SORCS1: variants seen among roughly 807,000 people sequenced by gnomAD.
The protein encoded by SORCS1 is VPS10 domain-containing receptor SorCS1.
Under a neutral mutation model 146.1 loss-of-function variants are expected in SORCS1, and 60 were observed. The observed-to-expected ratio is 0.41, with a 90% CI of 0.33 to 0.51. SORCS1 has a LOEUF of 0.51. Ranked by LOEUF, SORCS1 falls within the 20% of genes least tolerant of loss-of-function variation. The pLI is 0.21. For synonymous variants in SORCS1, 637 were observed against 584.0 expected, an observed-to-expected ratio of 1.09 and a Z score of -1.31; for missense variants, 1,352 against 1,487.6, an observed-to-expected ratio of 0.91 and a Z score of 1.50.
chr10:107,014,403 T>C (rs1325374693), intron 1 of SORCS1, among the ~76,000 whole-genome samples: 2 of 152,326 alleles, frequency 1.3e-5, no homozygotes, highest in South Asian at 2.1e-4. Flanking sequence ...TGGGGGCCAC[T>C]GTCCATTTTT....
At chr10:106,774,518 G>A (rs1860282027) in intron 4 of SORCS1, among the ~76,000 whole-genome samples, 1 of 151,326 alleles carries the variant, frequency 6.6e-6, no homozygotes, top group Non-Finnish European at 1.5e-5. Context: ...TTGCAATTTT[G>A]TAAATGTGAT....
intron 3 of SORCS1, among the ~76,000 whole-genome samples, chr10:106,783,053 G>A (rs1182963588): frequency 6.6e-6 from 1 of 152,120 alleles, no homozygotes; most frequent in Non-Finnish European, 1.5e-5. Flanking sequence ...TTAAAAACTC[G>A]GATTTGAATT....
intron 6 of SORCS1, among the ~76,000 whole-genome samples, chr10:106,719,418 CTT>C (rs11299932): frequency 4.8e-3 from 654 of 135,822 alleles, no homozygotes; most frequent in South Asian, 0.012. Flanking sequence ...TTCTTTCTTT[CTT>C]TTTTTTTTTT....
At chr10:106,919,700 T>C (rs2418823) in intron 2 of SORCS1, among the ~76,000 whole-genome samples, 65,212 of 152,070 alleles carry the variant, frequency 0.43, 14,371 homozygotes, top group African/African-American at 0.53. Context: ...TTTTAGTTCT[T>C]GCTTCTAGCA....
At chr10:106,785,600 C>T (rs1345395959) in intron 3 of SORCS1, among the ~76,000 whole-genome samples, 1 of 152,144 alleles carries the variant, frequency 6.6e-6, no homozygotes, top group Non-Finnish European at 1.5e-5. Flanking sequence ...TATATTAATG[C>T]TTCATGATAA....
intron 3 of SORCS1, among the ~76,000 whole-genome samples, chr10:106,811,559 T>C (rs1164840277): frequency 2.0e-5 from 3 of 152,166 alleles, no homozygotes; most frequent in African/African-American, 7.2e-5. Context: ...TAGATGATTT[T>C]CATATATGCG....
chr10:107,083,895 T>C (rs1963543899), intron 1 of SORCS1, among the ~76,000 whole-genome samples: 1 of 152,174 alleles, frequency 6.6e-6, no homozygotes, highest in South Asian at 2.1e-4. Flanking sequence ...CATGGCCCTC[T>C]CAACCTGCTG....
At chr10:106,630,554 T>C (rs1043483515) in intron 18 of SORCS1, among the ~76,000 whole-genome samples, 16 of 152,210 alleles carry the variant, frequency 1.1e-4, no homozygotes, top group African/African-American at 3.9e-4. Flanking sequence ...CATGTGCCAT[T>C]AACAAGCTGG....
chr10:106,985,838 T>C (rs1956447630), intron 1 of SORCS1, among the ~76,000 whole-genome samples: 2 of 152,098 alleles, frequency 1.3e-5, no homozygotes, highest in South Asian at 4.1e-4. Flanking sequence ...CCTGGACTCA[T>C]TTAAGCTTTC....
At chr10:106,790,758 C>T (rs1252107617) in intron 3 of SORCS1, among the ~76,000 whole-genome samples, 2 of 152,174 alleles carry the variant, frequency 1.3e-5, no homozygotes, top group African/African-American at 2.4e-5. Flanking sequence ...TAGTGATGGC[C>T]GGACAGGTTT....
chr10:106,714,134 T>TAA (rs1855192356), intron 6 of SORCS1, among the ~76,000 whole-genome samples: 2 of 1,286 alleles, frequency 1.6e-3, no homozygotes, highest in South Asian at 0.029. Flanking sequence ...AAACTCTGCC[T>TAA]CAAAAAAAAA....
At chr10:107,072,123 A>G (rs1465020700) in intron 1 of SORCS1, among the ~76,000 whole-genome samples, 1 of 152,196 alleles carries the variant, frequency 6.6e-6, no homozygotes, top group Non-Finnish European at 1.5e-5. Context: ...GCTGGGATGA[A>G]GCTCAGGGTA....
At chr10:107,003,048 G>A (rs886446810) in intron 1 of SORCS1, among the ~76,000 whole-genome samples, 2 of 152,144 alleles carry the variant, frequency 1.3e-5, no homozygotes, top group Admixed American at 6.5e-5. Context: ...CTGCGGTCAG[G>A]AGGTCGAGAC....
At chr10:106,753,241 CTTGT>C (rs954320965) in intron 5 of SORCS1, among the ~76,000 whole-genome samples, 28 of 152,110 alleles carry the variant, frequency 1.8e-4, no homozygotes, top group Admixed American at 8.5e-4. Context: ...GGCTCAGTCT[CTTGT>C]TACTGAATCC....
chr10:106,871,863 CA>C (rs1950418234), intron 2 of SORCS1, among the ~76,000 whole-genome samples: 1 of 145,668 alleles, frequency 6.9e-6, no homozygotes, highest in Non-Finnish European at 1.5e-5. Context: ...ACCTATGCAA[CA>C]AAGCTTCACA....
At chr10:106,881,126 A>G (rs1189416087) in intron 2 of SORCS1, among the ~76,000 whole-genome samples, 1 of 151,844 alleles carries the variant, frequency 6.6e-6, no homozygotes, top group Non-Finnish European at 1.5e-5. Context: ...CTCAAAGGAC[A>G]TGACAAAGAG....
rs761802295 is a variant in SORCS1, at chr10:106,652,366, T to C, written c.2475+16A>G. On this transcript the variant is annotated intron_variant, in intron 18 of 25. Transcript: ENST00000263054. ...CTGGCCCTAGAAAGTAGGGGGGAGA[T>C]AGGAATCAGTCCTACCTCTTCTAAT... The C allele has an allele frequency of 1.3e-5, 20 of 1,587,380 alleles. No individual in the cohort carries two copies. Among genetic ancestry groups the C allele is most frequent in the African/African-American group, 2.7e-5 (2 of 74,438 alleles).
the SORCS1 span, among the ~76,000 whole-genome samples, chr10:107,179,472 A>T: frequency 1.3e-5 from 2 of 152,220 alleles, no homozygotes; most frequent in Non-Finnish European, 2.9e-5. Context: ...TAAAAAATGT[A>T]CAATATAAAC....
At chr10:107,049,576 A>T (rs1452341037) in intron 1 of SORCS1, among the ~76,000 whole-genome samples, 3 of 152,144 alleles carry the variant, frequency 2.0e-5, no homozygotes, top group South Asian at 4.1e-4. Flanking sequence ...TATTACTGGG[A>T]AACTCCAGCT....
Sources: allele counts gnomAD v4.1 joint callset (sites outside exome capture counted in the v4.1 genomes callset), GRCh38; gene constraint gnomAD v4.1.1; transcripts MANE v1.5; gene names NCBI Gene and HGNC (gene_info 2026-07-23, HGNC 2026-07-21).